DPP6: variants seen among roughly 807,000 people sequenced by gnomAD.
DPP6 encodes dipeptidyl peptidase like 6, also known as A-type potassium channel modulatory protein DPP6.
DPP6 carries 69 observed loss-of-function variants against 122.6 expected under a neutral mutation model. That is an observed-to-expected ratio of 0.56 (90% CI 0.46 to 0.69). The LOEUF is 0.69. Ranked by LOEUF, DPP6 falls within the 30% of genes least tolerant of loss-of-function variation. The pLI, the probability that DPP6 is intolerant of heterozygous loss-of-function variation, is 0.00. For synonymous variants in DPP6, 418 were observed against 433.1 expected (o/e 0.97, Z 0.43); for missense variants, 928 against 1,116.9 (o/e 0.83, Z 2.41).
At chr7:153,786,969 T>C in the DPP6 span, among the ~76,000 whole-genome samples, 1 of 145,138 alleles carries the variant, frequency 6.9e-6, no homozygotes, top group Non-Finnish European at 1.5e-5. Context: ...TTTTGTTTTT[T>C]AATATGGACT....
At chr7:154,256,454 C>T (rs532636421) in intron 1 of DPP6, among the ~76,000 whole-genome samples, 10 of 152,238 alleles carry the variant, frequency 6.6e-5, no homozygotes, top group African/African-American at 1.9e-4. Context: ...GCATGACGGG[C>T]GCATGGAAAG....
Position 154,733,648 on chromosome 7 carries a change from G to A in DPP6, c.883+5761G>A, listed in dbSNP as rs75950391. On this transcript the variant is annotated intron_variant, in intron 8 of 25. Transcript: ENST00000377770. ...TTGAGTATTCAAGGAGGTGGAGAGTGTGTAGGAGTAGTAGTGCAGTGTAGT... is the reference window on the plus strand; with the variant it reads ...TTGAGTATTCAAGGAGGTGGAGAGTATGTAGGAGTAGTAGTGCAGTGTAGT... Among the ~76,000 whole-genome samples, 58 of 152,304 alleles carry A rather than the reference G, an allele frequency of 3.8e-4. No homozygotes were observed. The East Asian group carries it at 0.011, about 28-fold the overall frequency.
At chr7:154,153,522 G>A (rs1482326654) in intron 1 of DPP6, among the ~76,000 whole-genome samples, 2 of 152,152 alleles carry the variant, frequency 1.3e-5, no homozygotes, top group African/African-American at 2.4e-5. Flanking sequence ...TGTTACATCA[G>A]CCATTTCACA....
Position 154,882,936 on chromosome 7 carries a change from C to T in DPP6, c.2133+1994C>T, listed in dbSNP as rs1214258321. On this transcript the variant is annotated intron_variant, in intron 21 of 25. Transcript: ENST00000377770. ...TGATCTTGGAGTTTGGCATGACCTG[C>T]GCTTCACGGTCTCAGTCAGGTACCT... Among the ~76,000 whole-genome samples the T allele has an allele frequency of 5.3e-5, 8 of 152,258 alleles. No homozygotes were observed. The East Asian group carries it at 5.8e-4, about 11-fold the overall frequency.
At chr7:153,985,465 G>T (rs1165082872) in intron 1 of DPP6, among the ~76,000 whole-genome samples, 1 of 152,170 alleles carries the variant, frequency 6.6e-6, no homozygotes, top group Non-Finnish European at 1.5e-5. Context: ...CTCCCCGGGT[G>T]GCCCAAGGCA....
chr7:153,871,036 C>T, the DPP6 span, among the ~76,000 whole-genome samples: 963 of 152,246 alleles, frequency 6.3e-3, 11 homozygotes, highest in East Asian at 0.026. Context: ...AGTACCCGGC[C>T]GTGTGAGGTG....
intron 1 of DPP6, among the ~76,000 whole-genome samples, chr7:154,277,579 C>G (rs1432865370): frequency 6.6e-6 from 1 of 152,160 alleles, no homozygotes; most frequent in Non-Finnish European, 1.5e-5. Flanking sequence ...GCCTGGCCAA[C>G]ATGGTGAAAC....
chr7:153,993,973 A>G (rs1797316933), intron 1 of DPP6, among the ~76,000 whole-genome samples: 1 of 152,236 alleles, frequency 6.6e-6, no homozygotes, highest in Non-Finnish European at 1.5e-5. Flanking sequence ...CTTCCTTACA[A>G]TGAGGGAGTT....
At chr7:154,646,435 G>A (rs1368644329) in intron 6 of DPP6, among the ~76,000 whole-genome samples, 1 of 151,900 alleles carries the variant, frequency 6.6e-6, no homozygotes, top group South Asian at 2.1e-4. Context: ...CCACACATGC[G>A]CACTACAGAA....
intron 1 of DPP6, among the ~76,000 whole-genome samples, chr7:154,309,422 C>G (rs79594225): frequency 0.074 from 11,265 of 152,120 alleles, 545 homozygotes; most frequent in East Asian, 0.15. Context: ...TACAGAAGAA[C>G]TTTTTGAAAT....
intron 2 of DPP6, among the ~76,000 whole-genome samples, chr7:154,449,348 G>T (rs1262639216): frequency 6.6e-6 from 1 of 152,050 alleles, no homozygotes; most frequent in African/African-American, 2.4e-5. Flanking sequence ...CAGCCTCAGG[G>T]TGAATGAAAA....
intron 2 of DPP6, among the ~76,000 whole-genome samples, chr7:154,451,888 C>T (rs1361180121): frequency 6.6e-6 from 1 of 152,216 alleles, no homozygotes; most frequent in Non-Finnish European, 1.5e-5. Flanking sequence ...AGGTTTAGGC[C>T]TCTCCCACAG....
intron 1 of DPP6, among the ~76,000 whole-genome samples, chr7:154,279,536 C>T (rs34829172): frequency 0.24 from 36,849 of 152,062 alleles, 5,126 homozygotes; most frequent in Non-Finnish European, 0.31. Flanking sequence ...TAGAGTAGCA[C>T]GCCATGCCTG....
intron 1 of DPP6, among the ~76,000 whole-genome samples, chr7:154,137,274 G>A (rs891980467): frequency 1.3e-5 from 2 of 151,976 alleles, no homozygotes; most frequent in Non-Finnish European, 2.9e-5. Flanking sequence ...TATTTTATGA[G>A]TGAAGTCCCT....
chr7:154,878,573 G>A (rs188894899), intron 20 of DPP6, among the ~76,000 whole-genome samples: 1 of 152,276 alleles, frequency 6.6e-6, no homozygotes, highest in East Asian at 1.9e-4. Flanking sequence ...CTAAAATCAG[G>A]AGGCTGACAC....
chr7:154,671,678 T>C (rs887014208), intron 7 of DPP6, among the ~76,000 whole-genome samples: 2 of 152,184 alleles, frequency 1.3e-5, no homozygotes, highest in Non-Finnish European at 2.9e-5. Context: ...CACTTTAGAA[T>C]TAAGTCTATA....
chr7:154,141,049 C>T (rs1398101119), intron 1 of DPP6, among the ~76,000 whole-genome samples: 2 of 152,114 alleles, frequency 1.3e-5, no homozygotes, highest in African/African-American at 4.8e-5. Flanking sequence ...AGTCTGCTTA[C>T]CTGCTGGGTT....
intron 7 of DPP6, among the ~76,000 whole-genome samples, chr7:154,688,255 T>A (rs1839742540): frequency 6.6e-6 from 1 of 152,208 alleles, no homozygotes; most frequent in African/African-American, 2.4e-5. Flanking sequence ...CTGCATTAAG[T>A]CTATATACCA....
chr7:154,831,118 A>G (rs1233940393), intron 16 of DPP6, among the ~76,000 whole-genome samples: 1 of 152,176 alleles, frequency 6.6e-6, no homozygotes. Context: ...CCTGCCTTAG[A>G]AAAAGGACCA....
Sources: gnomAD v4.1 joint callset for allele counts (sites outside exome capture counted in the v4.1 genomes callset) on GRCh38, gnomAD v4.1.1 for gene constraint, MANE v1.5 for transcripts, NCBI Gene and HGNC (gene_info 2026-07-23, HGNC 2026-07-21) for gene names.